Variants in CSNK1G1 observed in about 807,000 individuals in gnomAD.
CSNK1G1 encodes the protein casein kinase 1 gamma 1, also known as casein kinase I isoform gamma-1.
Under a neutral mutation model 59.6 loss-of-function variants are expected in CSNK1G1, and 22 were observed. The observed-to-expected ratio is 0.37, with a 90% CI of 0.26 to 0.53. The LOEUF (loss-of-function observed/expected upper bound fraction) is 0.53. Among genes scored for constraint, CSNK1G1 ranks in the 20% least tolerant of loss-of-function variants. CSNK1G1 has a pLI of 0.89. For missense variants in CSNK1G1, 384 were observed against 519.5 expected (o/e 0.74, Z 2.54); for synonymous variants, 179 against 177.1 (o/e 1.01, Z -0.08).
chr15:64,338,700 CAAAAAAAAAAA>C lies in CSNK1G1; in HGVS notation c.-225+17277_-225+17287del, dbSNP rs34206192. Among the ~76,000 whole-genome samples, 44 of 31,532 alleles carry C rather than the reference CAAAAAAAAAAA, an allele frequency of 1.4e-3. No individual in the cohort carries two copies. The East Asian group carries it at 0.018, about 13-fold the overall frequency. The allele number at this position is 31,532 out of a possible 152,430, so 20.7% of individuals were successfully genotyped here. A position where few individuals can be genotyped will look rare whatever the true frequency, so the allele number is the denominator to read the frequency against. On this transcript the variant is annotated intron_variant, in intron 1 of 11. Coordinates refer to ENST00000303052, the MANE Select transcript of CSNK1G1 (RefSeq NM_022048.5). ...GGGCAACAAGAGTGAAACTCGGTCT[CAAAAAAAAAAA>C]AAAAAAAAAAAAAAAAACACTTCTG...
chr15:64,336,197 T>G (rs1018126030), intron 1 of CSNK1G1, among the ~76,000 whole-genome samples: 1 of 152,204 alleles, frequency 6.6e-6, no homozygotes, highest in South Asian at 2.1e-4. Flanking sequence ...AAAATTGAAT[T>G]GACTGTTTTC....
At position 64,167,939 on chromosome 15, in the gene CSNK1G1, C is replaced by T. The variant is rs2081620860; in HGVS notation, c.*3992G>A. ...ATCTTTAGTAACCACTTTGACGTTA[C>T]ATTATCATTGTTACATATTTCTGGC... On this transcript the variant is annotated 3_prime_UTR_variant, in exon 12 of 12. Transcript: ENST00000303052. 6.6e-6 allele frequency: 1 copy of T among 152,240 alleles called. No homozygotes were observed. Among genetic ancestry groups the T allele is most frequent in the African/African-American group, 2.4e-5 (1 of 41,454 alleles). The allele number at this position is 152,240 out of a possible 1,614,324, so 9.4% of individuals were successfully genotyped here. A position where few individuals can be genotyped will look rare whatever the true frequency, so the allele number is the denominator to read the frequency against.
intron 10 of CSNK1G1, among the ~76,000 whole-genome samples, chr15:64,201,755 T>C (rs1004775725): frequency 8.6e-5 from 13 of 151,754 alleles, no homozygotes; most frequent in African/African-American, 3.1e-4. Flanking sequence ...TGTGTGTTTA[T>C]ATACTATTCT....
At chr15:64,226,714 C>T (rs1417310344) in intron 4 of CSNK1G1, among the ~76,000 whole-genome samples, 5 of 152,074 alleles carry the variant, frequency 3.3e-5, no homozygotes, top group Non-Finnish European at 7.4e-5. Context: ...ACTGTAGTTC[C>T]TGTGATTTAA....
chr15:64,238,704 C>A (rs960090733), intron 4 of CSNK1G1, among the ~76,000 whole-genome samples: 2 of 151,346 alleles, frequency 1.3e-5, no homozygotes, highest in African/African-American at 4.9e-5. Flanking sequence ...ACAGCTATGG[C>A]GTGTATTCTG....
chr15:64,296,332 G>A (rs1895020701), intron 2 of CSNK1G1, among the ~76,000 whole-genome samples: 1 of 152,106 alleles, frequency 6.6e-6, no homozygotes, highest in Non-Finnish European at 1.5e-5. Context: ...CGTTGCTCAT[G>A]TTGGTATTGA....
At chr15:64,264,479 T>C (rs533708313) in intron 2 of CSNK1G1, among the ~76,000 whole-genome samples, 4 of 152,316 alleles carry the variant, frequency 2.6e-5, no homozygotes, top group East Asian at 3.9e-4. Flanking sequence ...TTTCAAACTA[T>C]TTCAAAAAAC....
intron 1 of CSNK1G1, among the ~76,000 whole-genome samples, chr15:64,305,034 A>G (rs1895590842): frequency 6.6e-6 from 1 of 152,140 alleles, no homozygotes; most frequent in African/African-American, 2.4e-5. Context: ...ATAGGGCAAA[A>G]CCAAAAATCT....
intron 1 of CSNK1G1, 130 bp downstream of exon 1, chr15:64,355,858 C>G (rs1349249496): frequency 6.5e-6 from 1 of 153,230 alleles, no homozygotes; most frequent in East Asian, 1.9e-4. Flanking sequence ...CAAACGCCAG[C>G]CTGCGCCCCA....
At chr15:64,228,438 G>A (rs1032503651) in intron 4 of CSNK1G1, among the ~76,000 whole-genome samples, 14 of 151,546 alleles carry the variant, frequency 9.2e-5, no homozygotes, top group African/African-American at 3.1e-4. Flanking sequence ...ACGAGGTCAG[G>A]AGCTCCAGAC....
At chr15:64,197,773 A>G (rs367827956) in intron 10 of CSNK1G1, among the ~76,000 whole-genome samples, 1 of 152,190 alleles carries the variant, frequency 6.6e-6, no homozygotes, top group Non-Finnish European at 1.5e-5. Context: ...AAAAATCTTT[A>G]GTCCCTATTC....
At chr15:64,305,384 A>G (rs1895620018) in intron 1 of CSNK1G1, among the ~76,000 whole-genome samples, 1 of 152,164 alleles carries the variant, frequency 6.6e-6, no homozygotes, top group Non-Finnish European at 1.5e-5. Context: ...CAATTTGAGT[A>G]CCAATACAAG....
chr15:64,345,212 C>T (rs1016659848), intron 1 of CSNK1G1, among the ~76,000 whole-genome samples: 3 of 152,190 alleles, frequency 2.0e-5, no homozygotes, highest in African/African-American at 7.2e-5. Context: ...AATTAGTACT[C>T]AGGCTACATG....
In CSNK1G1 at chr15:64,254,184, A is replaced by C. The variant is rs1054418806; in HGVS notation, c.223-2603T>G. ...AAAAATTAAGTATCTAGTGTAGTCA[A>C]ATTCATAGAGACAGACAGAATGGTG... On this transcript the variant is annotated intron_variant, in intron 3 of 11. Coordinates refer to ENST00000303052, the MANE Select transcript of CSNK1G1 (RefSeq NM_022048.5). Among the ~76,000 whole-genome samples, 2 of 151,904 alleles carry C rather than the reference A, an allele frequency of 1.3e-5. 1 individual carries two copies. Among genetic ancestry groups the C allele is most frequent in the Admixed American group, 1.3e-4 (2 of 15,216 alleles).
intron 10 of CSNK1G1, among the ~76,000 whole-genome samples, chr15:64,186,338 C>A (rs2081895439): frequency 6.6e-6 from 1 of 152,116 alleles, no homozygotes; most frequent in Admixed American, 6.5e-5. Flanking sequence ...GTCTTGAACT[C>A]CTGACCTTGT....
At chr15:64,202,973 G>T in intron 10 of CSNK1G1, 109 bp downstream of exon 10, 1 of 809,666 alleles carries the variant, frequency 1.2e-6, no homozygotes. Flanking sequence ...GCAAGCATTT[G>T]ATCTTTATTT....
At chr15:64,347,060 A>G (rs1028218216) in intron 1 of CSNK1G1, among the ~76,000 whole-genome samples, 4 of 152,214 alleles carry the variant, frequency 2.6e-5, no homozygotes, top group African/African-American at 9.6e-5. Flanking sequence ...AAGATGCCCA[A>G]CATCATAGAG....
Position 64,227,012 on chromosome 15 carries a change from T to C in CSNK1G1, c.293-10299A>G, listed in dbSNP as rs565144189. Among the ~76,000 whole-genome samples, 8 of 152,364 alleles carry C rather than the reference T, an allele frequency of 5.3e-5. No individual in the cohort carries two copies. In the East Asian group the frequency reaches 1.5e-3, roughly 29 times the overall value. ...CAGCAACTACTGTGTGTTAATTTTT[T>C]GTATGTCAGCACCTAGCACTGGTCC... On this transcript the variant is annotated intron_variant, in intron 4 of 11. Transcript: ENST00000303052.
chr15:64,230,634 G>A lies in CSNK1G1; in HGVS notation c.293-13921C>T, dbSNP rs1596130292. On this transcript the variant is annotated intron_variant, in intron 4 of 11. Coordinates refer to ENST00000303052, the MANE Select transcript of CSNK1G1 (RefSeq NM_022048.5). ...TGGGCCTATTTTCAACATTTAGCACGACAGTCCCCATTACTTGAGTACTCA... is the reference window on the plus strand; with the variant it reads ...TGGGCCTATTTTCAACATTTAGCACAACAGTCCCCATTACTTGAGTACTCA... 2.0e-5 allele frequency among the ~76,000 whole-genome samples: 3 copies of A among 152,160 alleles called. No homozygotes were observed. In the South Asian group the frequency reaches 6.2e-4, roughly 32 times the overall value.
Sources: allele counts gnomAD v4.1 joint callset (sites outside exome capture counted in the v4.1 genomes callset), GRCh38; gene constraint gnomAD v4.1.1; transcripts MANE v1.5; gene names NCBI Gene and HGNC (gene_info 2026-07-23, HGNC 2026-07-21).